ASTN2: variants seen among roughly 807,000 people sequenced by gnomAD.
The protein encoded by ASTN2 is astrotactin-2.
ASTN2 carries 54 observed loss-of-function variants against 139.8 expected under a neutral mutation model. The observed-to-expected ratio is 0.39, with a 90% confidence interval of 0.31 to 0.48. The LOEUF (loss-of-function observed/expected upper bound fraction) is 0.48. Among genes scored for constraint, ASTN2 ranks in the 20% least tolerant of loss-of-function variants. ASTN2 has a pLI of 0.95. For synonymous variants in ASTN2, 756 were observed against 719.5 expected (o/e 1.05, Z -0.81); for missense variants, 1,565 against 1,725.1 (o/e 0.91, Z 1.64).
Position 116,699,226 on chromosome 9 carries a change from G to A in ASTN2, c.2806+26545C>T, listed in dbSNP as rs1861049663. The stretch of plus-strand genomic sequence containing the variant: ...GATGTGGAAGGTGGAAAGCTTTGGT[G>A]TTTCACAGTTGATCGAGGATCAGGG... On this transcript the variant is annotated intron_variant, in intron 16 of 22. Transcript: ENST00000313400. The surrounding 1 kb of genome is among the most constrained non-coding windows in gnomAD (Gnocchi z 4.2). The A allele has an allele frequency of 6.2e-7, 1 of 1,614,266 alleles. No homozygotes were observed. The highest frequency in any genetic ancestry group is 8.5e-7 in the Non-Finnish European group (1 of 1,180,052).
chr9:116,755,263 C>T (rs958911017), intron 13 of ASTN2, among the ~76,000 whole-genome samples: 2 of 152,256 alleles, frequency 1.3e-5, no homozygotes, highest in East Asian at 1.9e-4. Context: ...ACCCCCTCCC[C>T]TGCAAAAAGA....
chr9:117,132,010 T>A (rs1276820149), intron 4 of ASTN2, among the ~76,000 whole-genome samples: 1 of 152,218 alleles, frequency 6.6e-6, no homozygotes, highest in Non-Finnish European at 1.5e-5. Flanking sequence ...AGCCAATGAT[T>A]TCACAAATTA....
At chr9:117,054,108 A>G (rs1838991080) in intron 5 of ASTN2, among the ~76,000 whole-genome samples, 1 of 152,014 alleles carries the variant, frequency 6.6e-6, no homozygotes, top group Non-Finnish European at 1.5e-5. Flanking sequence ...GGAAATCTCT[A>G]CCCATTTCAG....
At chr9:116,883,555 C>T (rs188473805) in intron 10 of ASTN2, among the ~76,000 whole-genome samples, 1 of 152,278 alleles carries the variant, frequency 6.6e-6, no homozygotes, top group East Asian at 1.9e-4. Context: ...GTCTTGTTTT[C>T]CTCTGACTTA....
chr9:116,836,096 G>C (rs1254780998), intron 11 of ASTN2, among the ~76,000 whole-genome samples: 1 of 152,132 alleles, frequency 6.6e-6, no homozygotes, highest in Non-Finnish European at 1.5e-5. Flanking sequence ...CCTCTTTTCA[G>C]CTGGATGAGG....
intron 7 of ASTN2, among the ~76,000 whole-genome samples, chr9:116,993,270 A>G (rs903353635): frequency 5.9e-5 from 9 of 152,074 alleles, no homozygotes; most frequent in Non-Finnish European, 1.2e-4. Flanking sequence ...ATCTTCCTCA[A>G]ATATGCAAGG....
At chr9:116,977,015 A>G (rs1358312105) in intron 7 of ASTN2, among the ~76,000 whole-genome samples, 1 of 152,130 alleles carries the variant, frequency 6.6e-6, no homozygotes, top group Non-Finnish European at 1.5e-5. Context: ...ACAGGTGCTC[A>G]GCTCAGCACT....
chr9:117,191,569 A>G (rs1023021481), intron 3 of ASTN2, among the ~76,000 whole-genome samples: 18 of 152,256 alleles, frequency 1.2e-4, no homozygotes, highest in Non-Finnish European at 2.4e-4. Context: ...ATTTAGCTCT[A>G]CAGTGGATAA....
chr9:116,718,974 A>ATATATATATATATATATATATATATATG (rs1564230166), intron 16 of ASTN2, among the ~76,000 whole-genome samples: 2 of 88,108 alleles, frequency 2.3e-5, no homozygotes, highest in African/African-American at 1.2e-4. Flanking sequence ...CTGTATCTGT[A>ATATATATATATATATATATATATATATG]CATATATATA....
chr9:116,824,394 TC>T (rs1831567407), intron 11 of ASTN2, among the ~76,000 whole-genome samples: 1 of 70,224 alleles, frequency 1.4e-5, no homozygotes, highest in East Asian at 7.0e-4. Flanking sequence ...TCTCTCTCTC[TC>T]TCATCACTTG....
At chr9:116,500,958 A>G (rs1409580259) in intron 19 of ASTN2, among the ~76,000 whole-genome samples, 2 of 152,294 alleles carry the variant, frequency 1.3e-5, no homozygotes, top group East Asian at 3.9e-4. Context: ...GCACTTTTTG[A>G]TCCTCCCAAA....
intron 20 of ASTN2, among the ~76,000 whole-genome samples, chr9:116,467,380 C>T (rs555157350): frequency 6.6e-6 from 1 of 152,316 alleles, no homozygotes; most frequent in African/African-American, 2.4e-5. Context: ...AATTCTCCTG[C>T]TTCAGCCTCC....
chr9:117,338,299 C>T (rs1331204805), intron 1 of ASTN2, among the ~76,000 whole-genome samples: 1 of 152,104 alleles, frequency 6.6e-6, no homozygotes, highest in East Asian at 1.9e-4. Context: ...TCTCCCCCAA[C>T]CTTTTAATCC....
intron 3 of ASTN2, among the ~76,000 whole-genome samples, chr9:117,193,572 A>T (rs905077958): frequency 1.4e-5 from 2 of 143,792 alleles, no homozygotes; most frequent in East Asian, 4.1e-4. Context: ...TGGGAGGCAG[A>T]GCTTGCAGTA....
intron 16 of ASTN2, among the ~76,000 whole-genome samples, chr9:116,676,176 T>C (rs1472753840): frequency 9.9e-5 from 15 of 152,136 alleles, no homozygotes; most frequent in Admixed American, 9.8e-4. Context: ...AAAAGGAAAC[T>C]GGAAATCTGA....
intron 4 of ASTN2, among the ~76,000 whole-genome samples, chr9:117,102,528 A>C (rs1373806667): frequency 1.3e-5 from 2 of 151,966 alleles, no homozygotes. Context: ...ATGATTTATT[A>C]TTATTATTAT....
chr9:117,254,465 G>A (rs1035967344), intron 2 of ASTN2, among the ~76,000 whole-genome samples: 1 of 152,122 alleles, frequency 6.6e-6, no homozygotes, highest in Non-Finnish European at 1.5e-5. Context: ...AACAGCTCCT[G>A]AGCACCTCTG....
chr9:116,509,140 T>C (rs1850247190), intron 19 of ASTN2, among the ~76,000 whole-genome samples: 1 of 152,190 alleles, frequency 6.6e-6, no homozygotes, highest in South Asian at 2.1e-4. Flanking sequence ...GTATATCTCC[T>C]AATGCTATCA....
At chr9:117,188,695 T>C (rs1831270223) in intron 3 of ASTN2, among the ~76,000 whole-genome samples, 1 of 152,114 alleles carries the variant, frequency 6.6e-6, no homozygotes, top group Non-Finnish European at 1.5e-5. Context: ...CATGCATAGA[T>C]GAGAATAAAC....
Sources: gnomAD v4.1 joint callset for allele counts (sites outside exome capture counted in the v4.1 genomes callset) on GRCh38, gnomAD v4.1.1 for gene constraint, Gnocchi (gnomAD v3.1) non-coding constraint, MANE v1.5 for transcripts, NCBI Gene and HGNC (gene_info 2026-07-23, HGNC 2026-07-21) for gene names.